TTC28: variants seen among roughly 807,000 people sequenced by gnomAD.
TTC28 encodes the protein tetratricopeptide repeat domain 28, also known as tetratricopeptide repeat protein 28.
In TTC28, 61 loss-of-function variants were observed where a neutral mutation model predicts 198.0. The ratio of observed to expected loss-of-function variants is 0.31; its 90% CI spans 0.25 to 0.38. The LOEUF (loss-of-function observed/expected upper bound fraction) is 0.38, where lower values mean the gene tolerates loss of function less well. TTC28 is among the 10% of genes least tolerant of loss of function. The probability of loss-of-function intolerance (pLI) is 1.00; values close to 1 mark genes in which losing one functional copy is unlikely to be tolerated. For missense variants in TTC28, 2,678 were observed against 3,164.0 expected (o/e 0.85, Z 3.69); for synonymous variants, 1,171 against 1,297.8 (o/e 0.90, Z 2.10).
chr22:28,136,919 G>A (rs1268913051), intron 6 of TTC28, among the ~76,000 whole-genome samples: 2 of 152,096 alleles, frequency 1.3e-5, no homozygotes, highest in East Asian at 1.9e-4. Flanking sequence ...TGGGAGTACC[G>A]CTTAAATCAT....
intron 2 of TTC28, among the ~76,000 whole-genome samples, chr22:28,356,421 T>C (rs1218317957): frequency 2.6e-5 from 4 of 152,200 alleles, no homozygotes; most frequent in Non-Finnish European, 5.9e-5. Flanking sequence ...ATTTATTTCA[T>C]AGGGCAGCCA....
intron 2 of TTC28, among the ~76,000 whole-genome samples, chr22:28,613,286 C>G (rs2050850230): frequency 6.6e-6 from 1 of 152,130 alleles, no homozygotes; most frequent in Non-Finnish European, 1.5e-5. Context: ...ATAACAAGTT[C>G]TGAAATTAAG....
chr22:28,297,460 G>A, intron 4 of TTC28, 120 bp downstream of exon 4: 1 of 1,211,450 alleles, frequency 8.3e-7, no homozygotes, highest in Non-Finnish European at 1.1e-6. Flanking sequence ...CCAAAGCACT[G>A]GGATTACAGG....
At chr22:28,269,752 T>C (rs897590307) in intron 5 of TTC28, among the ~76,000 whole-genome samples, 1 of 152,128 alleles carries the variant, frequency 6.6e-6, no homozygotes, top group African/African-American at 2.4e-5. Flanking sequence ...CATGTGCTTT[T>C]CTTAAATTAG....
At chr22:28,226,126 C>T (rs924935755) in intron 5 of TTC28, among the ~76,000 whole-genome samples, 1 of 152,100 alleles carries the variant, frequency 6.6e-6, no homozygotes, top group African/African-American at 2.4e-5. Context: ...TTTGTGTAGA[C>T]GTATGCTTTC....
intron 2 of TTC28, among the ~76,000 whole-genome samples, chr22:28,607,927 G>A (rs535788209): frequency 9.2e-4 from 140 of 152,232 alleles, no homozygotes; most frequent in African/African-American, 3.2e-3. Context: ...TTCCCTCACA[G>A]TGGTTGTTTA....
At chr22:28,370,499 A>T (rs1386851138) in intron 2 of TTC28, among the ~76,000 whole-genome samples, 2 of 152,242 alleles carry the variant, frequency 1.3e-5, no homozygotes, top group African/African-American at 2.4e-5. Context: ...CATTTTACAT[A>T]AAAACTATTC....
intron 2 of TTC28, among the ~76,000 whole-genome samples, chr22:28,341,596 A>G (rs1368295779): frequency 6.6e-6 from 1 of 152,164 alleles, no homozygotes; most frequent in Non-Finnish European, 1.5e-5. Context: ...GTTCAAGACC[A>G]GCCTGGTCAA....
rs1254352486 is a variant in TTC28 at position 28,107,521 on chromosome 22, C to A, written c.2324G>T (p.Gly775Val). The A allele has an allele frequency of 6.4e-7, 1 of 1,551,812 alleles. No individual in the cohort carries two copies. Among genetic ancestry groups the A allele is most frequent in the Admixed American group, 2.0e-5 (1 of 51,008 alleles). ...RMIQKYDKAL[G>V]YHTQELEVYQ... Reference sequence around the variant, plus strand: ...TACCTCCAGTTCCTGTGTGTGATAACCCAGGGCCTTGTCATACTTCTGGAT... The same window carrying A: ...TACCTCCAGTTCCTGTGTGTGATAAACCAGGGCCTTGTCATACTTCTGGAT... Residue 775 changes from glycine (G) to valine (V), a missense_variant, in exon 7 of 23, where the codon GGT becomes GTT. Physicochemically the swap from Gly to Val is moderately radical, Grantham distance 109. Around this residue, in one of 8 missense-constraint regions of TTC28, gnomAD observed 775 missense variants for 845.9 expected, o/e 0.92. Transcript: ENST00000397906.
chr22:28,351,525 T>A (rs758413002), intron 2 of TTC28, among the ~76,000 whole-genome samples: 1 of 152,142 alleles, frequency 6.6e-6, no homozygotes, highest in Non-Finnish European at 1.5e-5. Context: ...AGACATATTA[T>A]AGTTTTGTAG....
At chr22:28,192,943 C>A (rs1442959842) in intron 5 of TTC28, among the ~76,000 whole-genome samples, 1 of 152,138 alleles carries the variant, frequency 6.6e-6, no homozygotes, top group Non-Finnish European at 1.5e-5. Flanking sequence ...ACACAGAACG[C>A]CACAAAGATA....
intron 5 of TTC28, among the ~76,000 whole-genome samples, chr22:28,186,864 T>A (rs1924251159): frequency 6.6e-6 from 1 of 152,168 alleles, no homozygotes; most frequent in African/African-American, 2.4e-5. Flanking sequence ...CCACTCCAGA[T>A]GGGAGTAGGA....
At chr22:28,654,302 G>A (rs566238316) in intron 1 of TTC28, among the ~76,000 whole-genome samples, 63 of 152,294 alleles carry the variant, frequency 4.1e-4, no homozygotes, top group African/African-American at 1.5e-3. Context: ...GTGAGGAACT[G>A]CTCAGAGGTG....
intron 5 of TTC28, among the ~76,000 whole-genome samples, chr22:28,182,065 C>A (rs138352031): frequency 1.3e-5 from 2 of 152,080 alleles, no homozygotes; most frequent in Middle Eastern, 3.4e-3. Context: ...GGGTTAAATT[C>A]TCTCACTCAC....
At chr22:28,389,524 G>A (rs1211620550) in intron 2 of TTC28, among the ~76,000 whole-genome samples, 1 of 148,378 alleles carries the variant, frequency 6.7e-6, no homozygotes, top group Non-Finnish European at 1.5e-5. Context: ...TTCAGCTCCT[G>A]TTATTGGTCT....
At chr22:28,274,698 A>T (rs1374029740) in intron 5 of TTC28, among the ~76,000 whole-genome samples, 1 of 152,142 alleles carries the variant, frequency 6.6e-6, no homozygotes, top group Non-Finnish European at 1.5e-5. Context: ...AGAATGCATT[A>T]GGCTGGGCCT....
chr22:28,095,432 T>C (rs1443728901), intron 11 of TTC28, among the ~76,000 whole-genome samples: 2 of 152,150 alleles, frequency 1.3e-5, no homozygotes, highest in Admixed American at 6.5e-5. Context: ...CAATTCTCGC[T>C]GGCAGTTAAA....
At chr22:28,021,370 G>A (rs965835152) in intron 13 of TTC28, among the ~76,000 whole-genome samples, 3 of 152,284 alleles carry the variant, frequency 2.0e-5, no homozygotes, top group African/African-American at 7.2e-5. Flanking sequence ...TGGGGCCAGC[G>A]CTGTGAGACT....
At chr22:28,434,762 C>A (rs545041954) in intron 2 of TTC28, among the ~76,000 whole-genome samples, 1 of 152,240 alleles carries the variant, frequency 6.6e-6, no homozygotes, top group African/African-American at 2.4e-5. Flanking sequence ...TAGGTTCAAG[C>A]CTATATACAT....
Sources: allele counts gnomAD v4.1 joint callset (sites outside exome capture counted in the v4.1 genomes callset), GRCh38; gene constraint gnomAD v4.1.1; regional missense constraint gnomAD v4.1.1; transcripts MANE v1.5; gene names NCBI Gene and HGNC (gene_info 2026-07-23, HGNC 2026-07-21).